Variants in URGCP observed in about 807,000 individuals in gnomAD.
The protein encoded by URGCP is up-regulator of cell proliferation.
URGCP carries 13 observed loss-of-function variants against 24.6 expected under a neutral mutation model. The ratio of observed to expected loss-of-function variants is 0.53; its 90% CI spans 0.34 to 0.84. URGCP has a LOEUF of 0.84. URGCP is among the 40% of genes least tolerant of loss of function. The pLI is 0.01. For synonymous variants in URGCP, 444 were observed against 487.2 expected (o/e 0.91, Z 1.17); for missense variants, 899 against 1,194.3 (o/e 0.75, Z 3.64).
In URGCP at chr7:43,876,581, A is replaced by T; in HGVS notation, c.*86T>A. ...GATTGGGCACCAGCCATTCTCAGGC[A>T]CCAGAGCACAGCCCCACACGGGTGC... On this transcript the variant is annotated 3_prime_UTR_variant, in exon 6 of 6. Transcript: ENST00000453200. 1 of 1,431,880 alleles carries T rather than the reference A, an allele frequency of 7.0e-7. No individual in the cohort carries two copies. 88.7% of individuals were successfully genotyped at this position (1,431,880 alleles called of 1,614,324 possible).
chr7:43,908,765 C>T (rs182233865), upstream of URGCP, among the ~76,000 whole-genome samples: 5 of 152,324 alleles, frequency 3.3e-5, no homozygotes, highest in Admixed American at 2.6e-4. Flanking sequence ...AGATGGTCTA[C>T]AAGCTTCTGA....
intron 1 of URGCP, among the ~76,000 whole-genome samples, chr7:43,900,726 C>G (rs144575249): frequency 0.033 from 5,092 of 152,188 alleles, 256 homozygotes; most frequent in African/African-American, 0.12. Flanking sequence ...GCTGGGATTA[C>G]AGGCGTAAGC....
At chr7:43,897,287 C>T (rs921883537) in intron 1 of URGCP, among the ~76,000 whole-genome samples, 1 of 152,188 alleles carries the variant, frequency 6.6e-6, no homozygotes, top group African/African-American at 2.4e-5. Context: ...AAGGCACAGG[C>T]CAAGGTCAGG....
At position 43,919,262 on chromosome 7, in the gene URGCP, C is replaced by T. The variant is rs552029976; in HGVS notation, c.-116+6870G>A. 7.6e-5 allele frequency: 62 copies of T among 820,136 alleles called. No individual in the cohort carries two copies. The South Asian group carries it at 8.0e-4, about 11-fold the overall frequency. 50.8% of individuals were successfully genotyped at this position (820,136 alleles called of 1,614,324 possible). A position where few individuals can be genotyped will look rare whatever the true frequency, so the allele number is the denominator to read the frequency against. On this transcript the variant is annotated intron_variant, in intron 1 of 5. Coordinates refer to the URGCP transcript ENST00000426198. ...TGGTGGTCCAGCTTTATAATTCACTCCTCACACTCAAGAGGCTGATGCAGA... is the reference window on the plus strand; with the variant it reads ...TGGTGGTCCAGCTTTATAATTCACTTCTCACACTCAAGAGGCTGATGCAGA...
In URGCP at chr7:43,918,976, C is replaced by T. The variant is rs558229005; in HGVS notation, c.-116+7156G>A. 104 of 1,307,472 alleles carry T rather than the reference C, an allele frequency of 8.0e-5. No homozygotes were observed. The East Asian group carries it at 1.1e-3, about 14-fold the overall frequency. 81.0% of individuals were successfully genotyped at this position (1,307,472 alleles called of 1,614,324 possible). A position where few individuals can be genotyped will look rare whatever the true frequency, so the allele number is the denominator to read the frequency against. On this transcript the variant is annotated intron_variant, in intron 1 of 5. Transcript: ENST00000426198. ...TACAACCCAGAGAACATCTACCTGT[C>T]GGAGCATGGGGGAAGAGCTGGCAAC... is the stretch of plus-strand genomic sequence containing the variant.
chr7:43,902,797 T>C (rs2095893805), intron 1 of URGCP, among the ~76,000 whole-genome samples: 1 of 152,100 alleles, frequency 6.6e-6, no homozygotes, highest in African/African-American at 2.4e-5. Context: ...AAGAGGATCA[T>C]TTGGCAGCAT....
chr7:43,888,197 C>CCTG, intron 1 of URGCP: 1 of 162,850 alleles, frequency 6.1e-6, no homozygotes, highest in Non-Finnish European at 1.3e-5. Context: ...TAAGTGCAGT[C>CCTG]TAATTAAGAA....
intron 1 of URGCP, chr7:43,918,820 C>G: frequency 8.0e-7 from 1 of 1,243,122 alleles, no homozygotes; most frequent in Non-Finnish European, 1.2e-6. Context: ...GAGTTCGCTA[C>G]TGAGGGCACT....
chr7:43,881,270 C>T, intron 5 of URGCP: 1 of 701,376 alleles, frequency 1.4e-6, no homozygotes, highest in Non-Finnish European at 2.6e-6. Flanking sequence ...GGCCCAGTAT[C>T]CTGATCTGCA....
chr7:43,876,403 A>G lies in URGCP; in HGVS notation c.*264T>C. 2.1e-6 allele frequency: 1 copy of G among 483,400 alleles called. No individual in the cohort carries two copies. The highest frequency in any genetic ancestry group is 2.5e-5 in the South Asian group (1 of 39,512). The allele number at this position is 483,400 out of a possible 1,614,324, so 29.9% of individuals were successfully genotyped here. On this transcript the variant is annotated 3_prime_UTR_variant, in exon 6 of 6. Transcript: ENST00000453200. ...GGGCCCACCCCGCAGGATCCTTGAC[A>G]GGAGCTGAGACAGAACAAACTGCTG...
At position 43,877,585 on chromosome 7, in the gene URGCP, A is replaced by G; in HGVS notation, c.1878T>C (p.Ala626=). ...TCCCTGCCTCCACAAGACAGCTCTC[A>G]GCCTCATAAAACTGTCCCATCTCCC... ...FLREMGQFYE[A]ESCLVEAGRL... The change falls in exon 6 of 6, where the codon GCT becomes GCC. Residue 626 remains alanine (A), a synonymous_variant. Coordinates refer to ENST00000453200, the MANE Select transcript of URGCP (RefSeq NM_001077663.3). 1.2e-6 allele frequency: 2 copies of G among 1,614,102 alleles called. No homozygotes were observed. Among genetic ancestry groups the G allele is most frequent in the Non-Finnish European group, 1.7e-6 (2 of 1,180,012 alleles).
Position 43,877,057 on chromosome 7 carries a change from T to C in URGCP, c.2406A>G (p.Ala802=). 6.2e-7 allele frequency: 1 copy of C among 1,614,240 alleles called. No homozygotes were observed. The highest frequency in any genetic ancestry group is 8.5e-7 in the Non-Finnish European group (1 of 1,180,040). The change falls in exon 6 of 6, where the codon GCA becomes GCG. Residue 802 remains alanine (A), a synonymous_variant. Coordinates refer to ENST00000453200, the MANE Select transcript of URGCP (RefSeq NM_001077663.3). ...GCCCCGTTTTTTCTAACCTCAGAAA[T>C]GCATGCAGAATAGCTGCTGGAATGT... ...TKDIPAAILH[A]FLRLEKTGHM...
chr7:43,899,108 T>C (rs1396993952), intron 1 of URGCP, among the ~76,000 whole-genome samples: 1 of 149,256 alleles, frequency 6.7e-6, no homozygotes, highest in African/African-American at 2.4e-5. Flanking sequence ...CACTCCAGCC[T>C]GGGCAACAGA....
At chr7:43,913,628 T>C (rs943535279) in intron 1 of URGCP, among the ~76,000 whole-genome samples, 1 of 152,210 alleles carries the variant, frequency 6.6e-6, no homozygotes, top group African/African-American at 2.4e-5. Flanking sequence ...CCCTTAAATA[T>C]GATGAATCAC....
intron 1 of URGCP, among the ~76,000 whole-genome samples, chr7:43,893,155 T>A (rs1202483173): frequency 1.3e-5 from 2 of 151,726 alleles, no homozygotes; most frequent in African/African-American, 4.8e-5. Flanking sequence ...TAGCAAGATG[T>A]CATCTCTCCA....
chr7:43,904,300 T>C (rs1698305906), intron 1 of URGCP, among the ~76,000 whole-genome samples: 1 of 152,266 alleles, frequency 6.6e-6, no homozygotes, highest in Non-Finnish European at 1.5e-5. Flanking sequence ...CCATTTCCTT[T>C]ATTTAGCACA....
At chr7:43,881,123 GA>G (rs1562573635) in intron 5 of URGCP, 1 of 695,624 alleles carries the variant, frequency 1.4e-6, no homozygotes. Context: ...ATGAAACTAG[GA>G]ACATTGTTTT....
chr7:43,911,081 A>G (rs2095909579), upstream of URGCP, among the ~76,000 whole-genome samples: 3 of 152,094 alleles, frequency 2.0e-5, no homozygotes, highest in Admixed American at 2.0e-4. Context: ...ACCATAAGAA[A>G]ATAGACAGCC....
In URGCP at chr7:43,877,945, T is replaced by C. The variant is rs1180756844; in HGVS notation, c.1518A>G (p.Gln506=). ...LQGDPWRKAA[Q]VEKEFCQLQW... ...GGAGCTGGCAGAACTCCTTCTCCAC[T>C]TGGGCTGCCTTTCTCCAGGGGTCCC... is the stretch of plus-strand genomic sequence containing the variant. The change falls in exon 6 of 6, where the codon CAA becomes CAG. Residue 506 remains glutamine, a synonymous_variant. Coordinates refer to ENST00000453200, the MANE Select transcript of URGCP (RefSeq NM_001077663.3). The C allele has an allele frequency of 1.9e-6, 3 of 1,614,160 alleles. No individual in the cohort carries two copies. Among genetic ancestry groups the C allele is most frequent in the South Asian group, 2.2e-5 (2 of 91,086 alleles).
Sources: allele counts gnomAD v4.1 joint callset (sites outside exome capture counted in the v4.1 genomes callset), GRCh38; gene constraint gnomAD v4.1.1; transcripts MANE v1.5; gene names NCBI Gene and HGNC (gene_info 2026-07-23, HGNC 2026-07-21).